Variants in VWDE observed in about 807,000 individuals in gnomAD.
The protein encoded by VWDE is von Willebrand factor D and EGF domains.
Under a neutral mutation model 178.4 loss-of-function variants are expected in VWDE, and 207 were observed. The ratio of observed to expected loss-of-function variants is 1.16; its 90% CI spans 1.04 to 1.30. The LOEUF (loss-of-function observed/expected upper bound fraction) is 1.30, where lower values mean the gene tolerates loss of function less well. Among genes scored for constraint, VWDE ranks in the 50% most tolerant of loss-of-function variants. The pLI is 0.00. For synonymous variants in VWDE, 738 were observed against 651.4 expected, an observed-to-expected ratio of 1.13 and a Z score of -2.02; for missense variants, 2,287 against 1,901.3, an observed-to-expected ratio of 1.20 and a Z score of -3.77.
At chr7:12,393,837 T>C (rs980948264) in intron 1 of VWDE, 59 bp from the exon 2 acceptor site, 1 of 1,387,000 alleles carries the variant, frequency 7.2e-7, no homozygotes, top group African/African-American at 1.5e-5. Context: ...CATAGTTCGG[T>C]CCTCAATTAA....
At chr7:12,383,225 A>G (rs1783941107) in intron 4 of VWDE, among the ~76,000 whole-genome samples, 1 of 152,104 alleles carries the variant, frequency 6.6e-6, no homozygotes, top group South Asian at 2.1e-4. Flanking sequence ...GTTCTCTAAG[A>G]CATATTTTTG....
intron 3 of VWDE, among the ~76,000 whole-genome samples, chr7:12,388,310 G>C (rs1784205633): frequency 6.6e-6 from 1 of 152,068 alleles, no homozygotes; most frequent in South Asian, 2.1e-4. Context: ...ATGTCAACAT[G>C]CGTTATCACT....
rs565035253 is a variant in VWDE at position 12,336,245 on chromosome 7, C to A, written c.4559-9G>T. On this transcript the variant is annotated splice_polypyrimidine_tract_variant and intron_variant, in intron 26 of 28. Coordinates refer to ENST00000275358, the MANE Select transcript of VWDE (RefSeq NM_001135924.3). Reference sequence around the variant, plus strand: ...TTTCTGCAAGCAGATAGCTGCCAATCGAAATATAAACAAGTTAAAATTTTA... The same window carrying A: ...TTTCTGCAAGCAGATAGCTGCCAATAGAAATATAAACAAGTTAAAATTTTA... The A allele has an allele frequency of 6.7e-5, 104 of 1,549,574 alleles. 2 individuals are homozygous for A. In the South Asian group the frequency reaches 1.1e-3, roughly 17 times the overall value.
chr7:12,347,528 T>C (rs1384658688), intron 19 of VWDE, among the ~76,000 whole-genome samples: 1 of 152,110 alleles, frequency 6.6e-6, no homozygotes, highest in East Asian at 1.9e-4. Flanking sequence ...CAATGTATTA[T>C]TGGCATAAAA....
Position 12,361,406 on chromosome 7 carries a change from T to A in VWDE, c.3014A>T (p.Asp1005Val). Residue 1005 changes from aspartate to valine, a missense_variant, in exon 14 of 29, where the codon GAT becomes GTT. Asp to Val is a radical substitution (Grantham distance 152). Coordinates refer to ENST00000275358, the MANE Select transcript of VWDE (RefSeq NM_001135924.3). ...CCCAGTTGGTTTCCCACCCACCAGA[T>A]CCATGGTATCAAACTGCTGAACATC... is the stretch of plus-strand genomic sequence containing the variant. ...PTDVQQFDTM[D>V]LVGGKPTGKW... 3 of 1,551,044 alleles carry A rather than the reference T, an allele frequency of 1.9e-6. No homozygotes were observed. Among genetic ancestry groups the A allele is most frequent in the Admixed American group, 3.9e-5 (2 of 50,954 alleles).
At chr7:12,344,541 T>A (rs538601768) in intron 19 of VWDE, 72 bp from the exon 20 acceptor site, 1 of 1,212,220 alleles carries the variant, frequency 8.2e-7, no homozygotes, top group African/African-American at 1.5e-5. Context: ...GACTTAGTTA[T>A]GATAGAAGCA....
chr7:12,389,875 C>A (rs1784299563), intron 2 of VWDE, among the ~76,000 whole-genome samples: 1 of 152,040 alleles, frequency 6.6e-6, no homozygotes, highest in African/African-American at 2.4e-5. Flanking sequence ...AGAAATAATA[C>A]AGTTTGGTGG....
In VWDE at chr7:12,393,686, G is replaced by A. The variant is rs1165954416; in HGVS notation, c.151C>T (p.Gln51Ter). ...DSWHLQQSAV[Q>*]DLICDHSLSP... ...AGGGAATGGTCACATATTAGGTCTTGAACAGCTGACTGCTGGAGGTGCCAT... is the reference window on the plus strand; with the variant it reads ...AGGGAATGGTCACATATTAGGTCTTAAACAGCTGACTGCTGGAGGTGCCAT... The change falls in exon 2 of 29, where the codon CAA becomes TAA. Residue 51 changes from glutamine to a stop codon, truncating the protein, a stop_gained. Transcript: ENST00000275358. LOFTEE classifies it high-confidence loss of function. The A allele has an allele frequency of 3.2e-6, 5 of 1,551,110 alleles. No individual in the cohort carries two copies. Among genetic ancestry groups the A allele is most frequent in the Non-Finnish European group, 4.4e-6 (5 of 1,146,678 alleles).
At position 12,357,433 on chromosome 7, in the gene VWDE, G is replaced by A. The variant is rs1162469791; in HGVS notation, c.3357C>T (p.Ala1119=). 2 of 1,551,962 alleles carry A rather than the reference G, an allele frequency of 1.3e-6. No individual in the cohort carries two copies. The highest frequency in any genetic ancestry group is 8.7e-7 in the Non-Finnish European group (1 of 1,147,064). ...YGENFEYQFV[A]FDPEGSDIHF... is the part of the protein sequence containing the mutation. The stretch of plus-strand genomic sequence containing the variant: ...GGATGTCAGAACCTTCTGGATCGAA[G>A]GCCACGAACTGATACTCAAAGTTTT... Residue 1119 remains alanine, a synonymous_variant, in exon 17 of 29, where the codon GCC becomes GCT. Transcript: ENST00000275358.
Position 12,403,821 on chromosome 7 carries a change from C to G in VWDE, c.-105G>C. 1 of 1,243,920 alleles carries G rather than the reference C, an allele frequency of 8.0e-7. No individual in the cohort carries two copies. Among genetic ancestry groups the G allele is most frequent in the Non-Finnish European group, 1.1e-6 (1 of 881,786 alleles). 77.1% of individuals were successfully genotyped at this position (1,243,920 alleles called of 1,614,324 possible). A position where few individuals can be genotyped will look rare whatever the true frequency, so the allele number is the denominator to read the frequency against. On this transcript the variant is annotated 5_prime_UTR_variant, in exon 1 of 29. Transcript: ENST00000275358. ...TCGGGCCTCCTTTCTTGGATTTTCT[C>G]AGTCTGTTGCTGCTTGGAACAGGGA...
chr7:12,345,589 G>A (rs928318260), intron 19 of VWDE, among the ~76,000 whole-genome samples: 23 of 152,116 alleles, frequency 1.5e-4, no homozygotes, highest in African/African-American at 4.6e-4. Context: ...TTCATACTGT[G>A]TGTAACCTTG....
chr7:12,343,110 C>T lies in VWDE; in HGVS notation c.4147G>A (p.Gly1383Ser), dbSNP rs374183450. 3.9e-6 allele frequency: 6 copies of T among 1,549,548 alleles called. No individual in the cohort carries two copies. The highest frequency in any genetic ancestry group is 5.2e-6 in the Non-Finnish European group (6 of 1,145,574). ...GTTTCACACCTTGGTCCTACAAAAC[C>T]ATAAGGACAAGTGCAGAGATTCCCA... Reference protein sequence around the residue: ...LAGNLCTCPYGFVGPRCETMV... With the variant: ...LAGNLCTCPYSFVGPRCETMV... The change falls in exon 22 of 29, where the codon GGT (glycine) becomes AGT (serine). Residue 1383 changes from glycine (G) to serine (S), a missense_variant. Physicochemically the swap from Gly to Ser is moderately conservative, Grantham distance 56. Transcript: ENST00000275358.
intron 2 of VWDE, 86 bp downstream of exon 2, chr7:12,393,508 G>T (rs1784483194): frequency 2.6e-6 from 3 of 1,169,836 alleles, no homozygotes; most frequent in Admixed American, 6.0e-5. Flanking sequence ...TTTAGCATGA[G>T]AAATAAGCTG....
At chr7:12,336,050 C>T in intron 27 of VWDE, 91 bp downstream of exon 27, 15 of 1,119,006 alleles carry the variant, frequency 1.3e-5, no homozygotes, top group East Asian at 1.1e-4. Flanking sequence ...AGTTTTTTCC[C>T]CCTTATGGAC....
At chr7:12,393,171 C>G (rs1784464695) in intron 2 of VWDE, among the ~76,000 whole-genome samples, 1 of 152,198 alleles carries the variant, frequency 6.6e-6, no homozygotes, top group African/African-American at 2.4e-5. Flanking sequence ...AAAACAAGCA[C>G]TTTAGACACA....
Position 12,330,896 on chromosome 7 carries a change from A to G in VWDE, c.*287T>C. On this transcript the variant is annotated 3_prime_UTR_variant, in exon 29 of 29. Transcript: ENST00000275358. ...AGACATAGTCACAGTTAGGGCTGAG[A>G]AAATATTCAGTTTATTAAATATTGT... 3.2e-6 allele frequency: 1 copy of G among 314,442 alleles called. No individual in the cohort carries two copies. Among genetic ancestry groups the G allele is most frequent in the East Asian group, 6.6e-5 (1 of 15,038 alleles). 19.5% of individuals were successfully genotyped at this position (314,442 alleles called of 1,614,324 possible).
chr7:12,344,245 G>C lies in VWDE; in HGVS notation c.4028C>G (p.Pro1343Arg), dbSNP rs1407490639. 1.3e-6 allele frequency: 2 copies of C among 1,551,138 alleles called. No individual in the cohort carries two copies. The highest frequency in any genetic ancestry group is 3.9e-5 in the Admixed American group (2 of 50,932). The change falls in exon 21 of 29, where the codon CCT (proline) becomes CGT (arginine). Residue 1343 changes from proline to arginine, a missense_variant. Coordinates refer to ENST00000275358, the MANE Select transcript of VWDE (RefSeq NM_001135924.3). ...TCCTGGAAGACACTGACAAATGTTAGGCTTAATACATTTTCCATGGTTTTT... is the reference window on the plus strand; with the variant it reads ...TCCTGGAAGACACTGACAAATGTTACGCTTAATACATTTTCCATGGTTTTT... ...DCKNHGKCIKPNICQCLPGHG... is the reference protein window; with the variant it reads ...DCKNHGKCIKRNICQCLPGHG...
At chr7:12,396,128 T>C (rs990172207) in intron 1 of VWDE, among the ~76,000 whole-genome samples, 2 of 152,164 alleles carry the variant, frequency 1.3e-5, no homozygotes, top group Non-Finnish European at 2.9e-5. Flanking sequence ...AAGTTAGAAA[T>C]AATAGATCCA....
intron 7 of VWDE, among the ~76,000 whole-genome samples, chr7:12,376,229 G>C (rs115516808): frequency 0.01 from 1,569 of 152,074 alleles, 27 homozygotes; most frequent in African/African-American, 0.035. Context: ...CATTCCTCAA[G>C]CCAATACATG....
Sources: gnomAD v4.1 joint callset for allele counts (sites outside exome capture counted in the v4.1 genomes callset) on GRCh38, gnomAD v4.1.1 for gene constraint, MANE v1.5 for transcripts, NCBI Gene and HGNC (gene_info 2026-07-23, HGNC 2026-07-21) for gene names.